ARFGEF3: variants seen among roughly 807,000 people sequenced by gnomAD.
ARFGEF3 encodes the protein brefeldin A-inhibited guanine nucleotide-exchange protein 3.
ARFGEF3 carries 96 observed loss-of-function variants against 221.7 expected under a neutral mutation model. The ratio of observed to expected loss-of-function variants is 0.43; its 90% CI spans 0.37 to 0.51. ARFGEF3 has a LOEUF of 0.51. ARFGEF3 is among the 20% of genes least tolerant of loss of function. The pLI is 0.00. For missense variants in ARFGEF3, 2,410 were observed against 2,789.9 expected (o/e 0.86, Z 3.07); for synonymous variants, 1,145 against 1,126.8 (o/e 1.02, Z -0.32).
intron 12 of ARFGEF3, among the ~76,000 whole-genome samples, chr6:138,265,640 G>A (rs1385872148): frequency 6.6e-6 from 1 of 151,234 alleles, no homozygotes; most frequent in East Asian, 1.9e-4. Context: ...CTGTCTTTTT[G>A]TCTCTCTCTC....
intron 8 of ARFGEF3, among the ~76,000 whole-genome samples, chr6:138,252,205 C>T (rs999639630): frequency 3.9e-5 from 6 of 152,158 alleles, no homozygotes; most frequent in African/African-American, 1.4e-4. Context: ...CACTATACAG[C>T]TTTCTTTGGA....
At chr6:138,322,563 G>A (rs181847298) in intron 29 of ARFGEF3, among the ~76,000 whole-genome samples, 36 of 152,182 alleles carry the variant, frequency 2.4e-4, no homozygotes, top group Middle Eastern at 3.4e-3. Flanking sequence ...TTGGGAGGCC[G>A]AGGCAGGCAG....
chr6:138,170,850 A>T, intron 2 of ARFGEF3, 137 bp downstream of exon 2: 1 of 561,654 alleles, frequency 1.8e-6, no homozygotes, highest in Non-Finnish European at 3.2e-6. Flanking sequence ...GTGATTTATA[A>T]TGAACAGAGA....
At chr6:138,329,973 A>G (rs1780195629) in intron 32 of ARFGEF3, among the ~76,000 whole-genome samples, 1 of 152,008 alleles carries the variant, frequency 6.6e-6, no homozygotes, top group Admixed American at 6.6e-5. Flanking sequence ...AGGTAAAGGA[A>G]AAAGGGGGGT....
intron 4 of ARFGEF3, among the ~76,000 whole-genome samples, chr6:138,225,611 T>A (rs951730189): frequency 6.6e-6 from 1 of 152,154 alleles, no homozygotes; most frequent in Admixed American, 6.5e-5. Flanking sequence ...ATGTTTGTAA[T>A]CCCACAATTA....
intron 14 of ARFGEF3, among the ~76,000 whole-genome samples, chr6:138,281,996 C>G (rs2114621685): frequency 6.6e-6 from 1 of 152,226 alleles, no homozygotes; most frequent in South Asian, 2.1e-4. Context: ...GCTCTGTCCC[C>G]CAGGCTGGAG....
Position 138,162,075 on chromosome 6 carries a change from TGGAAG to T in ARFGEF3, c.-10_-6del, listed in dbSNP as rs1398521901. 6.4e-7 allele frequency: 1 copy of T among 1,572,704 alleles called. No homozygotes were observed. The highest frequency in any genetic ancestry group is 2.5e-5 in the East Asian group (1 of 39,932). The stretch of plus-strand genomic sequence containing the variant: ...TCCCTGTGGGCGGCGGCCCGGCGCC[TGGAAG>T]GTCAAGATGGAAGAAATCCTGAGGA... On this transcript the variant is annotated 5_prime_UTR_variant, in exon 1 of 34. Transcript: ENST00000251691. This position sits in a 1 kb window ranked among gnomAD's most constrained non-coding sequence, Gnocchi z 4.7.
At chr6:138,258,475 G>A (rs144833696) in intron 10 of ARFGEF3, among the ~76,000 whole-genome samples, 28 of 152,318 alleles carry the variant, frequency 1.8e-4, no homozygotes, top group Non-Finnish European at 3.1e-4. Context: ...GTGAAGCCTG[G>A]TGTTCTAAGT....
In ARFGEF3 at chr6:138,338,694, G is replaced by C. The variant is rs1298644904; in HGVS notation, c.*2208G>C. 6.6e-6 allele frequency: 1 copy of C among 151,872 alleles called. No individual in the cohort carries two copies. The highest frequency in any genetic ancestry group is 2.4e-5 in the African/African-American group (1 of 41,288). The allele number at this position is 151,872 out of a possible 1,614,324, so 9.4% of individuals were successfully genotyped here. ...ATGCACCTGTAATCCCAGCTACTTA[G>C]GAGGCCGAGACAGGAGAATCGCTCG... On this transcript the variant is annotated 3_prime_UTR_variant, in exon 34 of 34. Coordinates refer to ENST00000251691, the MANE Select transcript of ARFGEF3 (RefSeq NM_020340.5).
At position 138,215,333 on chromosome 6, in the gene ARFGEF3, G is replaced by A. The variant is rs148338600; in HGVS notation, c.351+5292G>A. ...CTGGGGAGGGCAGGCTGGCTTTGGC[G>A]ATAAGGAAGGAGATGATGCTGGACA... On this transcript the variant is annotated intron_variant, in intron 4 of 33. Transcript: ENST00000251691. Among the ~76,000 whole-genome samples the A allele has an allele frequency of 1.9e-4, 29 of 152,288 alleles. No individual in the cohort carries two copies. In the East Asian group the frequency reaches 5.4e-3, roughly 28 times the overall value.
intron 8 of ARFGEF3, among the ~76,000 whole-genome samples, chr6:138,249,924 TGTCCACCTGGTAA>T (rs1778550842): frequency 6.6e-6 from 1 of 152,244 alleles, no homozygotes; most frequent in Admixed American, 6.5e-5. Context: ...AAGACCTTTA[TGTCCACCTGGTAA>T]GATAGTCCCG....
chr6:138,269,870 C>G (rs183736855), intron 12 of ARFGEF3, among the ~76,000 whole-genome samples: 52 of 152,202 alleles, frequency 3.4e-4, no homozygotes, highest in African/African-American at 1.2e-3. Flanking sequence ...TTCCTTTCCT[C>G]TAAATTGAGT....
chr6:138,208,007 A>G (rs1777655004), intron 3 of ARFGEF3, among the ~76,000 whole-genome samples: 1 of 152,242 alleles, frequency 6.6e-6, no homozygotes, highest in Admixed American at 6.5e-5. Flanking sequence ...AACATTAGCA[A>G]TAATGTTATT....
chr6:138,291,942 A>G lies in ARFGEF3; in HGVS notation c.3257A>G (p.Asp1086Gly). Residue 1086 changes from aspartate to glycine, a missense_variant, in exon 19 of 34, where the codon GAC becomes GGC. Physicochemically the swap from Asp to Gly is moderately conservative, Grantham distance 94. Transcript: ENST00000251691. The surrounding 1 kb of genome is among the most constrained non-coding windows in gnomAD (Gnocchi z 4.5). Reference sequence around the variant, plus strand: ...GTCGTCCAGCCCCTGTCCATCCAGGACCTCGTCCGGGAAGGCAGCCGGGGT... The same window carrying G: ...GTCGTCCAGCCCCTGTCCATCCAGGGCCTCGTCCGGGAAGGCAGCCGGGGT... ...APVVQPLSIQ[D>G]LVREGSRGRA... 1 of 1,523,020 alleles carries G rather than the reference A, an allele frequency of 6.6e-7. No individual in the cohort carries two copies. Among genetic ancestry groups the G allele is most frequent in the African/African-American group, 1.4e-5 (1 of 70,986 alleles). The allele number at this position is 1,523,020 out of a possible 1,614,324, so 94.3% of individuals were successfully genotyped here.
chr6:138,190,097 T>A (rs1362338586), intron 2 of ARFGEF3, among the ~76,000 whole-genome samples: 9 of 151,118 alleles, frequency 6.0e-5, no homozygotes, highest in Admixed American at 5.9e-4. Flanking sequence ...AAAAATAAAA[T>A]AAAATAAAAA....
chr6:138,198,650 G>A lies in ARFGEF3; in HGVS notation c.138-8392G>A, dbSNP rs986306064. 2.0e-5 allele frequency among the ~76,000 whole-genome samples: 3 copies of A among 152,142 alleles called. No homozygotes were observed. In the East Asian group the frequency reaches 5.8e-4, roughly 29 times the overall value. ...AGGAAACGGCATGACTACCAGGAAAGGTGCTGGCTGTGGCTTGAACTCAGC... is the reference window on the plus strand; with the variant it reads ...AGGAAACGGCATGACTACCAGGAAAAGTGCTGGCTGTGGCTTGAACTCAGC... On this transcript the variant is annotated intron_variant, in intron 2 of 33. Coordinates refer to ENST00000251691, the MANE Select transcript of ARFGEF3 (RefSeq NM_020340.5).
At chr6:138,287,244 AC>A in intron 17 of ARFGEF3, 60 bp downstream of exon 17, 1 of 1,240,632 alleles carries the variant, frequency 8.1e-7, no homozygotes, top group South Asian at 1.3e-5. Context: ...ACACACCTGC[AC>A]AGGCCTACAC....
chr6:138,243,517 A>C (rs1390348316), intron 7 of ARFGEF3, among the ~76,000 whole-genome samples: 14 of 152,224 alleles, frequency 9.2e-5, no homozygotes, highest in African/African-American at 3.4e-4. Context: ...AAAATATAGA[A>C]GTCCACATAT....
chr6:138,182,949 G>A (rs1464253365), intron 2 of ARFGEF3, among the ~76,000 whole-genome samples: 1 of 151,990 alleles, frequency 6.6e-6, no homozygotes, highest in Non-Finnish European at 1.5e-5. Context: ...TAAAATAATG[G>A]GTTTTTTTTC....
Sources: allele counts gnomAD v4.1 joint callset (sites outside exome capture counted in the v4.1 genomes callset), GRCh38; gene constraint gnomAD v4.1.1; non-coding constraint Gnocchi (gnomAD v3.1); transcripts MANE v1.5; gene names NCBI Gene and HGNC (gene_info 2026-07-23, HGNC 2026-07-21).